JPT2: variants seen among roughly 807,000 people sequenced by gnomAD.
JPT2 encodes CRAMP_1 like.
Under a neutral mutation model 15.9 loss-of-function variants are expected in JPT2, and 9 were observed. The observed-to-expected ratio is 0.57, with a 90% CI of 0.34 to 0.99. The LOEUF is 0.99. JPT2 is among the 50% of genes least tolerant of loss of function. The probability of loss-of-function intolerance (pLI) is 0.02; values close to 1 mark genes in which losing one functional copy is unlikely to be tolerated. For missense variants in JPT2, 267 were observed against 252.1 expected (o/e 1.06, Z -0.40); for synonymous variants, 95 against 91.7 (o/e 1.04, Z -0.21).
At chr16:1,691,712 C>G in intron 2 of JPT2, 131 bp from the exon 3 acceptor site, 1 of 1,051,288 alleles carries the variant, frequency 9.5e-7, no homozygotes, top group East Asian at 2.5e-5. Flanking sequence ...GCATCCTGCC[C>G]TGTTGGCCTG....
intron 1 of JPT2, among the ~76,000 whole-genome samples, chr16:1,679,346 T>C (rs963882428): frequency 5.9e-5 from 9 of 152,218 alleles, no homozygotes; most frequent in African/African-American, 2.2e-4. Context: ...TGAAGACAAA[T>C]ACTATATTGA....
At chr16:1,697,999 C>A in intron 4 of JPT2, 139 bp downstream of exon 4, 1 of 729,272 alleles carries the variant, frequency 1.4e-6, no homozygotes, top group East Asian at 2.5e-5. Flanking sequence ...CAGGTGTATC[C>A]ACTGCAAGAG....
At chr16:1,680,687 C>G in intron 1 of JPT2, 1 of 184,522 alleles carries the variant, frequency 5.4e-6, no homozygotes, top group Non-Finnish European at 1.1e-5. Flanking sequence ...TCTCTCCTTT[C>G]CTTGCTGAGG....
chr16:1,687,126 G>C (rs918310520), intron 2 of JPT2, among the ~76,000 whole-genome samples: 1 of 152,156 alleles, frequency 6.6e-6, no homozygotes, highest in African/African-American at 2.4e-5. Flanking sequence ...GGGACTACGG[G>C]CGTATGCCAC....
chr16:1,689,153 A>T (rs900129631), intron 2 of JPT2: 2 of 152,152 alleles, frequency 1.3e-5, no homozygotes, highest in Admixed American at 1.3e-4. Context: ...ACTATTTTTT[A>T]AAAATGAGTG....
intron 1 of JPT2, among the ~76,000 whole-genome samples, chr16:1,681,512 C>G (rs970585801): frequency 6.6e-6 from 1 of 152,204 alleles, no homozygotes; most frequent in African/African-American, 2.4e-5. Flanking sequence ...CACTCACCTC[C>G]TGCGCCCATT....
intron 2 of JPT2, chr16:1,690,021 A>G (rs1019230985): frequency 6.6e-5 from 10 of 152,254 alleles, no homozygotes; most frequent in African/African-American, 2.4e-4. Flanking sequence ...CGAGTCCCGC[A>G]TATCCCCAGG....
In JPT2 at chr16:1,685,530, A is replaced by G. The variant is rs976340527; in HGVS notation, c.136A>G (p.Asn46Asp). 6.2e-7 allele frequency: 1 copy of G among 1,614,144 alleles called. No homozygotes were observed. Among genetic ancestry groups the G allele is most frequent in the Non-Finnish European group, 8.5e-7 (1 of 1,180,028 alleles). The change falls in exon 2 of 5, where the codon AAT becomes GAT. Residue 46 changes from asparagine (N) to aspartate (D), a missense_variant. Transcript: ENST00000248098. ...CAGCAGGCCTAATAGGATGGCATCT[A>G]ATATTTTTGGACCAACAGAAGAACC... ...PSSRPNRMAS[N>D]IFGPTEEPQN...
chr16:1,686,384 G>A (rs113121217), intron 2 of JPT2: 1,665 of 113,306 alleles, frequency 0.015, 48 homozygotes, highest in African/African-American at 0.068. Context: ...AAAAAAAAAA[G>A]AAAAAGAAAA....
In JPT2 at chr16:1,699,387, G is replaced by A; in HGVS notation, c.*389G>A. ...TCCACTGCTGCTGTGGGATGGAGGAGGCGTAAGCAGAAACACTAACAGTAT... is the reference window on the plus strand; with the variant it reads ...TCCACTGCTGCTGTGGGATGGAGGAAGCGTAAGCAGAAACACTAACAGTAT... On this transcript the variant is annotated 3_prime_UTR_variant, in exon 5 of 5. Coordinates refer to ENST00000248098, the MANE Select transcript of JPT2 (RefSeq NM_144570.3). The A allele has an allele frequency of 2.3e-6, 1 of 432,826 alleles. No individual in the cohort carries two copies. 26.8% of individuals were successfully genotyped at this position (432,826 alleles called of 1,614,324 possible).
chr16:1,692,814 A>G (rs1486444960), intron 3 of JPT2, among the ~76,000 whole-genome samples: 1 of 152,206 alleles, frequency 6.6e-6, no homozygotes, highest in Non-Finnish European at 1.5e-5. Context: ...CTGGTTCCTT[A>G]AAGTGGAAAA....
chr16:1,686,970 C>G (rs558374701), intron 2 of JPT2, among the ~76,000 whole-genome samples: 2 of 152,216 alleles, frequency 1.3e-5, no homozygotes, highest in African/African-American at 4.8e-5. Context: ...GATCCAGAAA[C>G]TAGTTTTTTC....
At position 1,698,805 on chromosome 16, in the gene JPT2, C is replaced by A. The variant is rs775835767; in HGVS notation, c.386-6C>A. On this transcript the variant is annotated splice_region_variant and splice_polypyrimidine_tract_variant and intron_variant, in intron 4 of 4. Coordinates refer to ENST00000248098, the MANE Select transcript of JPT2 (RefSeq NM_144570.3). This position sits in a 1 kb window ranked among gnomAD's most constrained non-coding sequence, Gnocchi z 4.9. ...TGGGATGTTGTTCTAACTTTGTGTC[C>A]CACAGCTGCAAGGAGCATCCCGGCT... 24 of 1,606,806 alleles carry A rather than the reference C, an allele frequency of 1.5e-5. No individual in the cohort carries two copies. The highest frequency in any genetic ancestry group is 2.0e-5 in the Non-Finnish European group (23 of 1,177,234).
At chr16:1,682,476 A>C (rs1429341148) in intron 1 of JPT2, among the ~76,000 whole-genome samples, 1 of 152,194 alleles carries the variant, frequency 6.6e-6, no homozygotes, top group Non-Finnish European at 1.5e-5. Context: ...GTTCAAGACC[A>C]GCCTGGCCAA....
At chr16:1,685,623 C>T (rs1416614398) in intron 2 of JPT2, 36 bp downstream of exon 2, 1 of 1,584,210 alleles carries the variant, frequency 6.3e-7, no homozygotes, top group Admixed American at 1.9e-5. Context: ...CCTTTGGCCT[C>T]CACGATTCTC....
chr16:1,693,194 G>T (rs181330711), intron 3 of JPT2, among the ~76,000 whole-genome samples: 62 of 152,254 alleles, frequency 4.1e-4, no homozygotes, highest in African/African-American at 1.4e-3. Flanking sequence ...CTATCTCCTG[G>T]GTTCAAGCAA....
At chr16:1,692,147 T>C in intron 3 of JPT2, 162 bp downstream of exon 3, 1 of 906,794 alleles carries the variant, frequency 1.1e-6, no homozygotes, top group Non-Finnish European at 1.6e-6. Context: ...GAAGTTCCCC[T>C]GAGTCACCCA....
chr16:1,694,961 C>A (rs1352500391), intron 3 of JPT2, among the ~76,000 whole-genome samples: 1 of 152,104 alleles, frequency 6.6e-6, no homozygotes, highest in African/African-American at 2.4e-5. Flanking sequence ...ACAGAGGCAA[C>A]AAAATTAAAA....
intron 1 of JPT2, among the ~76,000 whole-genome samples, chr16:1,680,941 A>AG (rs2037017788): frequency 6.6e-6 from 1 of 152,148 alleles, no homozygotes; most frequent in Non-Finnish European, 1.5e-5. Context: ...CTACCTCTCC[A>AG]GTGCTGCAGT....
Sources: allele counts gnomAD v4.1 joint callset (sites outside exome capture counted in the v4.1 genomes callset), GRCh38; gene constraint gnomAD v4.1.1; non-coding constraint Gnocchi (gnomAD v3.1); transcripts MANE v1.5; gene names NCBI Gene and HGNC (gene_info 2026-07-23, HGNC 2026-07-21).